The following SLF2 variants were observed in gnomAD, a reference collection of about 807,000 sequenced individuals.
SLF2 encodes the protein SMC5/6 complex localization factor 2.
Under a neutral mutation model 124.3 loss-of-function variants are expected in SLF2, and 68 were observed. The observed-to-expected ratio is 0.55, with a 90% CI of 0.45 to 0.67. SLF2 has a LOEUF of 0.67. Among genes scored for constraint, SLF2 ranks in the 30% least tolerant of loss-of-function variants. The pLI is 0.00. For synonymous variants in SLF2, 480 were observed against 478.8 expected, an observed-to-expected ratio of 1.00 and a Z score of -0.03; for missense variants, 1,246 against 1,373.7, an observed-to-expected ratio of 0.91 and a Z score of 1.47.
At chr10:100,915,693 A>T (rs903241733) in intron 1 of SLF2, among the ~76,000 whole-genome samples, 1 of 152,198 alleles carries the variant, frequency 6.6e-6, no homozygotes, top group Non-Finnish European at 1.5e-5. Context: ...AGCCGTGAAC[A>T]TTTCAGTCTT....
chr10:100,946,324 G>A (rs1190492045), intron 13 of SLF2, among the ~76,000 whole-genome samples: 1 of 142,342 alleles, frequency 7.0e-6, no homozygotes, highest in African/African-American at 2.6e-5. Context: ...GGGGTGTTAG[G>A]CTTTTTTTTT....
intron 17 of SLF2, among the ~76,000 whole-genome samples, chr10:100,956,082 T>C (rs1184963635): frequency 6.6e-6 from 1 of 151,818 alleles, no homozygotes; most frequent in Non-Finnish European, 1.5e-5. Flanking sequence ...AAAAATTTTT[T>C]TCTTTTTTTT....
intron 8 of SLF2, among the ~76,000 whole-genome samples, chr10:100,930,757 G>A (rs1275559989): frequency 6.6e-6 from 1 of 152,220 alleles, no homozygotes; most frequent in Non-Finnish European, 1.5e-5. Context: ...TTGTCTGCCA[G>A]TTAAATGTGG....
Position 100,938,697 on chromosome 10 carries a change from T to A in SLF2, c.2615T>A (p.Leu872Gln). Residue 872 changes from leucine (L) to glutamine (Q), a missense_variant, in exon 11 of 20, where the codon CTG becomes CAG. Transcript: ENST00000238961. ...MGIDFRSLFPLENLQPDFNED... is the reference protein window; with the variant it reads ...MGIDFRSLFPQENLQPDFNED... The stretch of plus-strand genomic sequence containing the variant: ...ATTGATTTTAGATCTTTGTTTCCCC[T>A]GGAGAATCTTCAGCCAGACTTTAAT... 1 of 1,613,102 alleles carries A rather than the reference T, an allele frequency of 6.2e-7. No individual in the cohort carries two copies.
At chr10:100,925,356 T>C (rs1407765722) in intron 5 of SLF2, among the ~76,000 whole-genome samples, 1 of 151,526 alleles carries the variant, frequency 6.6e-6, no homozygotes, top group Non-Finnish European at 1.5e-5. Context: ...GAAGTTACTA[T>C]AGACTAAGTT....
chr10:100,925,183 A>G (rs1849592274), intron 5 of SLF2, among the ~76,000 whole-genome samples: 1 of 152,220 alleles, frequency 6.6e-6, no homozygotes, highest in Non-Finnish European at 1.5e-5. Flanking sequence ...TTTTGATCAC[A>G]CACACTTAAC....
At chr10:100,959,081 G>GACC (rs1392916494) in intron 18 of SLF2, among the ~76,000 whole-genome samples, 1 of 152,194 alleles carries the variant, frequency 6.6e-6, no homozygotes, top group East Asian at 1.9e-4. Flanking sequence ...TGTTGACACA[G>GACC]ACCACCCTTC....
intron 1 of SLF2, among the ~76,000 whole-genome samples, 164 bp from the exon 2 acceptor site, chr10:100,915,835 T>C (rs1360018270): frequency 6.6e-6 from 1 of 152,198 alleles, no homozygotes; most frequent in Admixed American, 6.5e-5. Flanking sequence ...TATTTTCTGT[T>C]TTTTTAATGA....
chr10:100,921,058 C>T (rs569983022), intron 4 of SLF2, among the ~76,000 whole-genome samples: 1 of 152,312 alleles, frequency 6.6e-6, no homozygotes, highest in South Asian at 2.1e-4. Context: ...AATCATTAAT[C>T]ACATACAAGT....
chr10:100,933,312 A>T (rs953615378), intron 9 of SLF2, among the ~76,000 whole-genome samples: 1 of 152,164 alleles, frequency 6.6e-6, no homozygotes, highest in Non-Finnish European at 1.5e-5. Context: ...AATACATTTC[A>T]TATTTATTTT....
intron 15 of SLF2, among the ~76,000 whole-genome samples, chr10:100,948,322 G>A (rs1364203409): frequency 6.6e-6 from 1 of 152,158 alleles, no homozygotes; most frequent in Non-Finnish European, 1.5e-5. Flanking sequence ...GTATATATGA[G>A]AGTGTGGATA....
intron 9 of SLF2, among the ~76,000 whole-genome samples, chr10:100,933,612 G>A (rs1849787884): frequency 6.6e-6 from 1 of 151,918 alleles, no homozygotes; most frequent in Non-Finnish European, 1.5e-5. Context: ...ATTTTCAAAA[G>A]GAATTCAGGT....
chr10:100,947,620 T>A (rs1850129044), intron 14 of SLF2, 140 bp from the exon 15 acceptor site: 1 of 526,734 alleles, frequency 1.9e-6, no homozygotes, highest in African/African-American at 1.9e-5. Flanking sequence ...CTATAACAGC[T>A]TATATGTTCC....
chr10:100,929,914 TG>T lies in SLF2; in HGVS notation c.2252del (p.Gly751GlufsTer11). ...AAGAAATATTTAATTTCCTCAATTC[TG>T]GAAAAATTTTCAATCAGTATACCTT... Reference protein sequence around the residue: ...GEEIFNFLNSGKIFNQYTLDL... With the variant: ...GEEIFNFLNSXKIFNQYTLDL... On this transcript the variant is annotated frameshift_variant, in exon 8 of 20. Transcript: ENST00000238961. LOFTEE classifies it high-confidence loss of function. The T allele has an allele frequency of 6.2e-7, 1 of 1,603,362 alleles. No individual in the cohort carries two copies. The highest frequency in any genetic ancestry group is 1.1e-5 in the South Asian group (1 of 88,748).
intron 18 of SLF2, 22 bp downstream of exon 18, chr10:100,956,559 TTC>T (rs1204349874): frequency 2.0e-6 from 3 of 1,536,604 alleles, no homozygotes; most frequent in Non-Finnish European, 2.7e-6. Context: ...CTTTCTTTTT[TTC>T]TTTTTTTTTT....
At chr10:100,934,873 C>T (rs1189954679) in intron 9 of SLF2, among the ~76,000 whole-genome samples, 2 of 151,556 alleles carry the variant, frequency 1.3e-5, no homozygotes, top group East Asian at 2.0e-4. Context: ...CTGCCTGCCT[C>T]GGCCTCCCAA....
Position 100,926,232 on chromosome 10 carries a change from C to A in SLF2, c.2042+213C>A, listed in dbSNP as rs1377374266. On this transcript the variant is annotated intron_variant, in intron 6 of 19. Transcript: ENST00000238961. ...GAGACCCAGGCAAGATTACTTGAGC[C>A]CAGGAGTTCAAGGCTGCGGTGAGTC... 5.2e-6 allele frequency: 8 copies of A among 1,537,352 alleles called. No homozygotes were observed. In the Admixed American group the frequency reaches 1.6e-4, roughly 31 times the overall value.
chr10:100,950,311 C>A (rs1257056301), intron 16 of SLF2, 104 bp downstream of exon 16: 4 of 1,151,156 alleles, frequency 3.5e-6, no homozygotes, highest in Non-Finnish European at 4.8e-6. Flanking sequence ...GGACACTAGA[C>A]ACATTCTAGC....
intron 8 of SLF2, 69 bp downstream of exon 8, chr10:100,930,066 G>A (rs1249962899): frequency 6.0e-6 from 6 of 994,466 alleles, no homozygotes; most frequent in South Asian, 2.3e-5. Flanking sequence ...TCTGACTCAC[G>A]TAATCTTCTA....
Sources: allele counts gnomAD v4.1 joint callset (sites outside exome capture counted in the v4.1 genomes callset), GRCh38; gene constraint gnomAD v4.1.1; transcripts MANE v1.5; gene names NCBI Gene and HGNC (gene_info 2026-07-23, HGNC 2026-07-21).